Variants in B3GALNT1 observed in about 807,000 individuals in gnomAD.
B3GALNT1 encodes the protein beta-1,3-N-acetylgalactosaminyltransferase 1 (Globoside blood group).
Under a neutral mutation model 27.3 loss-of-function variants are expected in B3GALNT1, and 17 were observed. That is an observed-to-expected ratio of 0.62 (90% CI 0.43 to 0.94). The LOEUF (loss-of-function observed/expected upper bound fraction) is 0.94. Ranked by LOEUF, B3GALNT1 falls within the 40% of genes least tolerant of loss-of-function variation. B3GALNT1 has a pLI of 0.00. For missense variants in B3GALNT1, 347 were observed against 390.0 expected, an observed-to-expected ratio of 0.89 and a Z score of 0.93; for synonymous variants, 141 against 144.0, an observed-to-expected ratio of 0.98 and a Z score of 0.15.
At chr3:161,100,119 G>C (rs1463055123) in intron 4 of B3GALNT1, among the ~76,000 whole-genome samples, 1 of 152,182 alleles carries the variant, frequency 6.6e-6, no homozygotes, top group East Asian at 1.9e-4. Context: ...GAAGGCAAAT[G>C]AGAAACCAAA....
Position 161,086,532 on chromosome 3 carries a change from G to T in B3GALNT1, c.223C>A (p.His75Asn), listed in dbSNP as rs766473939. ...FTLREHSNCS[H>N]QNPFLVILVT... The stretch of plus-strand genomic sequence containing the variant: ...AGAATGACCAGAAATGGATTTTGAT[G>T]AGAGCAGTTTGAATGCTCTCGAAGT... The change falls in exon 5 of 5, where the codon CAT (histidine) becomes AAT (asparagine). Residue 75 changes from histidine to asparagine, a missense_variant. His to Asn is a moderately conservative substitution (Grantham distance 68). Transcript: ENST00000320474. 6.2e-7 allele frequency: 1 copy of T among 1,614,064 alleles called. No homozygotes were observed. Among genetic ancestry groups the T allele is most frequent in the East Asian group, 2.2e-5 (1 of 44,898 alleles).
chr3:161,086,437 A>C lies in B3GALNT1; in HGVS notation c.318T>G (p.Ser106=), dbSNP rs772901444. The C allele has an allele frequency of 6.2e-6, 10 of 1,613,980 alleles. No homozygotes were observed. The highest frequency in any genetic ancestry group is 8.5e-6 in the Non-Finnish European group (10 of 1,180,014). Residue 106 remains serine (S), a synonymous_variant, in exon 5 of 5, where the codon TCT becomes TCG. Transcript: ENST00000320474. ...ATGTAAGAACCTCATATCCCCACCA[A>C]GACTTTTTTTCACCCCAAGTAACTC... ...AIRVTWGEKK[S]WWGYEVLTFF... is the part of the protein sequence containing the mutation.
In B3GALNT1 at chr3:161,085,486, A is replaced by G. The variant is rs952756605; in HGVS notation, c.*273T>C. ...ACACCCTTTTAAGAAATTCTAGTCT[A>G]CAGAATGACATGTCCAAATTGTTTG... is the stretch of plus-strand genomic sequence containing the variant. On this transcript the variant is annotated 3_prime_UTR_variant, in exon 5 of 5. Coordinates refer to ENST00000320474, the MANE Select transcript of B3GALNT1 (RefSeq NM_003781.4). 6 of 448,566 alleles carry G rather than the reference A, an allele frequency of 1.3e-5. No individual in the cohort carries two copies. Among genetic ancestry groups the G allele is most frequent in the Admixed American group, 3.8e-5 (1 of 26,590 alleles). 27.8% of individuals were successfully genotyped at this position (448,566 alleles called of 1,614,324 possible). A position where few individuals can be genotyped will look rare whatever the true frequency, so the allele number is the denominator to read the frequency against.
At chr3:161,104,082 A>G (rs181327412) in intron 2 of B3GALNT1, 6 of 297,366 alleles carry the variant, frequency 2.0e-5, no homozygotes, top group Admixed American at 1.4e-4. Context: ...TCCAATGGCC[A>G]TTCATTTGAA....
chr3:161,104,276 A>G (rs1332493673), intron 2 of B3GALNT1, 43 bp downstream of exon 2: 1 of 1,280,970 alleles, frequency 7.8e-7, no homozygotes, highest in Admixed American at 2.4e-5. Flanking sequence ...GAAGCTAAAA[A>G]ACTTGTTCCC....
At chr3:161,100,406 T>C (rs552852857) in intron 4 of B3GALNT1, among the ~76,000 whole-genome samples, 32 of 152,326 alleles carry the variant, frequency 2.1e-4, no homozygotes, top group Admixed American at 1.8e-3. Context: ...GAAACTCTGC[T>C]GGTTGTAGCA....
At chr3:161,101,962 TA>T (rs1198467503) in intron 3 of B3GALNT1, among the ~76,000 whole-genome samples, 1 of 152,196 alleles carries the variant, frequency 6.6e-6, no homozygotes, top group Non-Finnish European at 1.5e-5. Flanking sequence ...TGAAATGTTT[TA>T]ACAGGAGGAC....
At position 161,085,924 on chromosome 3, in the gene B3GALNT1, T is replaced by C. The variant is rs1258834515; in HGVS notation, c.831A>G (p.Leu277=). The change falls in exon 5 of 5, where the codon TTA becomes TTG. Residue 277 remains leucine, a synonymous_variant. Transcript: ENST00000320474. ...CTTCTGGAATATGAATGTTCACTTT[T>C]AATAAATTCAAACAGATCCCGACAT... The part of the protein sequence containing the change: ...DVYVGICLNL[L]KVNIHIPEDT... The C allele has an allele frequency of 1.9e-6, 3 of 1,610,678 alleles. No homozygotes were observed. In the South Asian group the frequency reaches 3.3e-5, roughly 18 times the overall value.
intron 4 of B3GALNT1, among the ~76,000 whole-genome samples, chr3:161,088,704 T>C (rs1347604287): frequency 6.6e-6 from 1 of 152,218 alleles, no homozygotes; most frequent in Non-Finnish European, 1.5e-5. Flanking sequence ...TAACGACTTG[T>C]ACATTTATGA....
intron 4 of B3GALNT1, among the ~76,000 whole-genome samples, chr3:161,100,057 G>GGTA (rs1330609588): frequency 2.0e-5 from 3 of 152,044 alleles, no homozygotes; most frequent in African/African-American, 7.3e-5. Flanking sequence ...GAAGTGCCAT[G>GGTA]GTAGATACTT....
intron 4 of B3GALNT1, among the ~76,000 whole-genome samples, chr3:161,096,836 C>T (rs1728447572): frequency 1.3e-5 from 2 of 152,162 alleles, no homozygotes; most frequent in Admixed American, 1.3e-4. Flanking sequence ...ATTATAATCT[C>T]CTGGAGAACT....
intron 3 of B3GALNT1, among the ~76,000 whole-genome samples, chr3:161,101,478 T>A (rs1272159008): frequency 2.6e-5 from 4 of 152,234 alleles, no homozygotes; most frequent in Admixed American, 2.0e-4. Flanking sequence ...ATTTCATTCC[T>A]TCATTCAGTG....
rs142439713 is a variant in B3GALNT1 at position 161,085,771 on chromosome 3, T to C, written c.984A>G (p.Thr328=). 3 of 1,614,162 alleles carry C rather than the reference T, an allele frequency of 1.9e-6. No homozygotes were observed. The highest frequency in any genetic ancestry group is 1.7e-5 in the Admixed American group (1 of 60,028). ...GTAGAATGTGAAGTTAATAATGGCA[T>C]GTGGTGTTCCTTAGCATGACCTGCC... ...TFWQVMLRNT[T]CHY is the part of the protein sequence containing the mutation. Residue 328 remains threonine (T), a synonymous_variant, in exon 5 of 5, where the codon ACA becomes ACG. Transcript: ENST00000320474.
intron 1 of B3GALNT1, 133 bp from the exon 2 acceptor site, chr3:161,104,539 T>G (rs1733240014): frequency 2.6e-6 from 1 of 384,182 alleles, no homozygotes; most frequent in East Asian, 7.4e-5. Flanking sequence ...TCCTTACTGC[T>G]TGGAAAAGTG....
chr3:161,100,058 G>A (rs1225593889), intron 4 of B3GALNT1, among the ~76,000 whole-genome samples: 3 of 152,048 alleles, frequency 2.0e-5, no homozygotes, highest in Non-Finnish European at 4.4e-5. Context: ...AAGTGCCATG[G>A]TAGATACTTT....
At position 161,084,235 on chromosome 3, in the gene B3GALNT1, A is replaced by C. The variant is rs1459733306; in HGVS notation, c.*1524T>G. ...CGTGACTCCTATATGGATGGAGATT[A>C]ACAAGGGCATAGATCGATTCTATAG... is the stretch of plus-strand genomic sequence containing the variant. On this transcript the variant is annotated 3_prime_UTR_variant, in exon 5 of 5. Transcript: ENST00000320474. The C allele has an allele frequency of 6.6e-6, 1 of 152,252 alleles. No homozygotes were observed. The highest frequency in any genetic ancestry group is 1.9e-4 in the East Asian group (1 of 5,200). The allele number at this position is 152,252 out of a possible 1,614,324, so 9.4% of individuals were successfully genotyped here.
At chr3:161,093,432 C>T (rs1471958680) in intron 4 of B3GALNT1, among the ~76,000 whole-genome samples, 1 of 152,090 alleles carries the variant, frequency 6.6e-6, no homozygotes, top group African/African-American at 2.4e-5. Flanking sequence ...CCAGAGATCT[C>T]GGATTGGCTC....
At chr3:161,098,399 T>C (rs372513087) in intron 4 of B3GALNT1, among the ~76,000 whole-genome samples, 1 of 152,084 alleles carries the variant, frequency 6.6e-6, no homozygotes, top group Non-Finnish European at 1.5e-5. Context: ...TCTTCAGAGG[T>C]GAAGAGTTGT....
At chr3:161,097,462 T>C (rs1728829862) in intron 4 of B3GALNT1, among the ~76,000 whole-genome samples, 1 of 152,202 alleles carries the variant, frequency 6.6e-6, no homozygotes, top group Non-Finnish European at 1.5e-5. Context: ...AAATAAATCT[T>C]AGTGGATCCA....
Sources: gnomAD v4.1 joint callset for allele counts (sites outside exome capture counted in the v4.1 genomes callset) on GRCh38, gnomAD v4.1.1 for gene constraint, MANE v1.5 for transcripts, NCBI Gene and HGNC (gene_info 2026-07-23, HGNC 2026-07-21) for gene names.